PLPP4: variants seen among roughly 807,000 people sequenced by gnomAD.
PLPP4 encodes the protein phospholipid phosphatase 4, also known as diacylglycerol pyrophosphate like 2.
Under a neutral mutation model 32.2 loss-of-function variants are expected in PLPP4, and 20 were observed. That is an observed-to-expected ratio of 0.62 (90% CI 0.44 to 0.90). The LOEUF (loss-of-function observed/expected upper bound fraction) is 0.90. PLPP4 is among the 40% of genes least tolerant of loss of function. PLPP4 has a pLI of 0.00. For synonymous variants in PLPP4, 127 were observed against 133.0 expected (o/e 0.95, Z 0.31); for missense variants, 257 against 353.1 (o/e 0.73, Z 2.18).
rs115016064 is a variant in PLPP4, at chr10:120,473,149, T to C, written c.56+15788T>C. Among the ~76,000 whole-genome samples, 992 of 152,336 alleles carry C rather than the reference T, an allele frequency of 6.5e-3. 11 individuals carry two copies. The highest frequency in any genetic ancestry group is 0.023 in the African/African-American group (954 of 41,580). ...TCCTTTGCATGTCTAGTAACTATTA[T>C]ATATTGGACACTGTGAAACATACAT... On this transcript the variant is annotated intron_variant, in intron 1 of 6. Transcript: ENST00000398250.
intron 1 of PLPP4, among the ~76,000 whole-genome samples, chr10:120,479,355 C>T (rs1408670288): frequency 2.0e-5 from 3 of 152,214 alleles, no homozygotes; most frequent in African/African-American, 7.2e-5. Flanking sequence ...CTGATCTGGC[C>T]GGTGTCCTCA....
At chr10:120,514,472 A>G (rs765583120) in intron 3 of PLPP4, among the ~76,000 whole-genome samples, 72 of 152,344 alleles carry the variant, frequency 4.7e-4, no homozygotes, top group Non-Finnish European at 9.6e-4. Context: ...AGATATTACA[A>G]ACAAGCTCTA....
At chr10:120,484,422 G>A (rs1056585200) in intron 1 of PLPP4, among the ~76,000 whole-genome samples, 1 of 152,172 alleles carries the variant, frequency 6.6e-6, no homozygotes, top group Non-Finnish European at 1.5e-5. Context: ...CAAGATCGAG[G>A]TGCCAGCATC....
intron 5 of PLPP4, among the ~76,000 whole-genome samples, chr10:120,570,332 TTATTA>T (rs1226560844): frequency 2.1e-4 from 32 of 152,200 alleles, no homozygotes; most frequent in African/African-American, 7.7e-4. Context: ...ACACTAAGGT[TTATTA>T]AACTACCCAA....
intron 5 of PLPP4, among the ~76,000 whole-genome samples, chr10:120,574,158 ACACACACACACTCTCTCT>A (rs1849077120): frequency 1.1e-4 from 13 of 121,086 alleles, no homozygotes; most frequent in African/African-American, 4.4e-4. Context: ...ACACACACAC[ACACACACACACTCTCTCT>A]CTCTCTCTCT....
At position 120,555,086 on chromosome 10, in the gene PLPP4, G is replaced by A. The variant is rs375141184; in HGVS notation, c.446-20045G>A. Among the ~76,000 whole-genome samples the A allele has an allele frequency of 2.2e-4, 34 of 152,204 alleles. 1 individual carries two copies. In the South Asian group the frequency reaches 4.2e-3, roughly 19 times the overall value. ...TGTCAGATTACAGCGAGTGGCAAAT[G>A]TGGGGGGTGGGGGTGGAAGAGAGTG... On this transcript the variant is annotated intron_variant, in intron 5 of 6. Transcript: ENST00000398250.
intron 1 of PLPP4, among the ~76,000 whole-genome samples, chr10:120,484,056 C>T (rs1195285323): frequency 6.6e-6 from 1 of 152,170 alleles, no homozygotes; most frequent in African/African-American, 2.4e-5. Flanking sequence ...GTGGAGATGA[C>T]CAGCAATGAG....
At chr10:120,571,197 T>G (rs1300299168) in intron 5 of PLPP4, among the ~76,000 whole-genome samples, 1 of 147,158 alleles carries the variant, frequency 6.8e-6, no homozygotes, top group Non-Finnish European at 1.5e-5. Flanking sequence ...AGACTCTGAA[T>G]ATCCTCTCAT....
chr10:120,574,162 ACACACACTCTCTCT>A (rs1392081555), intron 5 of PLPP4, among the ~76,000 whole-genome samples: 85 of 104,060 alleles, frequency 8.2e-4, no homozygotes, highest in African/African-American at 1.2e-3. Context: ...ACACACACAC[ACACACACTCTCTCT>A]CTCTCTCTCT....
At chr10:120,518,969 C>T in intron 4 of PLPP4, 73 bp downstream of exon 4, 1 of 1,209,938 alleles carries the variant, frequency 8.3e-7, no homozygotes, top group Non-Finnish European at 1.2e-6. Flanking sequence ...GGCCAGAGGA[C>T]ACTGGATGGG....
chr10:120,471,074 C>T (rs922420594), intron 1 of PLPP4, among the ~76,000 whole-genome samples: 1 of 152,106 alleles, frequency 6.6e-6, no homozygotes, highest in African/African-American at 2.4e-5. Flanking sequence ...ATTTACATAG[C>T]TTGAACATAA....
At chr10:120,462,040 G>T (rs1440294268) in intron 1 of PLPP4, among the ~76,000 whole-genome samples, 2 of 152,228 alleles carry the variant, frequency 1.3e-5, no homozygotes, top group Non-Finnish European at 2.9e-5. Context: ...GACAGTTGGA[G>T]CAAGGTGCTA....
chr10:120,565,843 G>A (rs1159283757), intron 5 of PLPP4, among the ~76,000 whole-genome samples: 1 of 151,918 alleles, frequency 6.6e-6, no homozygotes, highest in East Asian at 1.9e-4. Context: ...CATCATCCAT[G>A]TCACTTATCT....
At chr10:120,583,962 C>T (rs1011252438) in intron 6 of PLPP4, among the ~76,000 whole-genome samples, 2 of 152,168 alleles carry the variant, frequency 1.3e-5, no homozygotes, top group Non-Finnish European at 2.9e-5. Context: ...ATGCTGAGGG[C>T]TCCACAGAGC....
chr10:120,563,964 T>C (rs1848568615), intron 5 of PLPP4, among the ~76,000 whole-genome samples: 1 of 152,072 alleles, frequency 6.6e-6, no homozygotes, highest in African/African-American at 2.4e-5. Flanking sequence ...TGAGCCTCTT[T>C]ACTGTATGTT....
At chr10:120,531,163 G>A (rs549604550) in intron 5 of PLPP4, among the ~76,000 whole-genome samples, 10 of 142,826 alleles carry the variant, frequency 7.0e-5, no homozygotes, top group South Asian at 6.7e-4. Flanking sequence ...ATCTCGGCTC[G>A]CTGCAACCTC....
chr10:120,566,913 C>G (rs1810486205), intron 5 of PLPP4, among the ~76,000 whole-genome samples: 1 of 152,172 alleles, frequency 6.6e-6, no homozygotes, highest in African/African-American at 2.4e-5. Context: ...CAGGGATCTT[C>G]TGTGACATTT....
intron 5 of PLPP4, among the ~76,000 whole-genome samples, chr10:120,559,173 A>T (rs1848303009): frequency 6.6e-6 from 1 of 151,656 alleles, no homozygotes; most frequent in Non-Finnish European, 1.5e-5. Flanking sequence ...ATGCCTTTTG[A>T]CCATTTTTTT....
At chr10:120,561,147 G>A (rs1043754468) in intron 5 of PLPP4, among the ~76,000 whole-genome samples, 2 of 152,148 alleles carry the variant, frequency 1.3e-5, no homozygotes, top group East Asian at 3.9e-4. Flanking sequence ...GACTTATTAT[G>A]TATTTGGATG....
Sources: allele counts gnomAD v4.1 joint callset (sites outside exome capture counted in the v4.1 genomes callset), GRCh38; gene constraint gnomAD v4.1.1; transcripts MANE v1.5; gene names NCBI Gene and HGNC (gene_info 2026-07-23, HGNC 2026-07-21).